The following PIWIL1 variants were observed in gnomAD, a reference collection of about 807,000 sequenced individuals.
The protein encoded by PIWIL1 is piwi-like protein 1.
Under a neutral mutation model 114.4 loss-of-function variants are expected in PIWIL1, and 73 were observed. That is an observed-to-expected ratio of 0.64 (90% CI 0.53 to 0.78). The LOEUF is 0.78. Ranked by LOEUF, PIWIL1 falls within the 30% of genes least tolerant of loss-of-function variation. The pLI, the probability that PIWIL1 is intolerant of heterozygous loss-of-function variation, is 0.00. For missense variants in PIWIL1, 723 were observed against 1,063.1 expected (o/e 0.68, Z 4.45); for synonymous variants, 375 against 369.0 (o/e 1.02, Z -0.19).
At chr12:130,407,826 C>G in the PIWIL1 span, 1 of 1,613,616 alleles carries the variant, frequency 6.2e-7, no homozygotes, top group Non-Finnish European at 8.5e-7. Flanking sequence ...TCTCCTGCTT[C>G]TCTCTGTTCA....
At chr12:130,390,829 T>C in the PIWIL1 span, among the ~76,000 whole-genome samples, 1 of 152,212 alleles carries the variant, frequency 6.6e-6, no homozygotes, top group Non-Finnish European at 1.5e-5. Context: ...GGCCCACCCA[T>C]CACTGGGCTA....
At chr12:130,420,636 C>G in the PIWIL1 span, among the ~76,000 whole-genome samples, 1 of 152,222 alleles carries the variant, frequency 6.6e-6, no homozygotes, top group East Asian at 1.9e-4. This position sits in a 1 kb window ranked among gnomAD's most constrained non-coding sequence, Gnocchi z 4.3. Flanking sequence ...ATTTGAAAAG[C>G]AATACTGATC....
chr12:130,393,289 G>T, the PIWIL1 span, among the ~76,000 whole-genome samples: 3 of 146,430 alleles, frequency 2.0e-5, no homozygotes, highest in Non-Finnish European at 4.5e-5. Context: ...ACATGTGTGC[G>T]TCAGTTACCT....
Position 130,338,101 on chromosome 12 carries a change from G to A in PIWIL1, c.-58G>A, listed in dbSNP as rs768403184. The A allele has an allele frequency of 3.3e-3, 742 of 226,154 alleles. 3 individuals are homozygous for A. Among genetic ancestry groups the A allele is most frequent in the Non-Finnish European group, 3.0e-3 (338 of 114,082 alleles). 14.0% of individuals were successfully genotyped at this position (226,154 alleles called of 1,614,324 possible). ...GGAGCCGTTGGGGCTGTTGGCCTCG[G>A]GCTGAGGTGCAAGGACCAGGACTAG... On this transcript the variant is annotated 5_prime_UTR_variant, in exon 1 of 21. Coordinates refer to ENST00000245255, the MANE Select transcript of PIWIL1 (RefSeq NM_004764.5).
the PIWIL1 span, chr12:130,399,577 C>G: frequency 6.5e-6 from 9 of 1,378,396 alleles, no homozygotes; most frequent in Non-Finnish European, 8.9e-6. Context: ...GGTGTATTTA[C>G]GCTTTTCGGC....
intron 9 of PIWIL1, among the ~76,000 whole-genome samples, chr12:130,351,890 C>A (rs56044098): frequency 0.064 from 9,699 of 152,192 alleles, 960 homozygotes; most frequent in African/African-American, 0.22. Context: ...CTTCCCCTTC[C>A]CCCCAGAAGT....
At chr12:130,365,485 A>G (rs931781437) in intron 18 of PIWIL1, among the ~76,000 whole-genome samples, 1 of 152,254 alleles carries the variant, frequency 6.6e-6, no homozygotes, top group African/African-American at 2.4e-5. Flanking sequence ...CTTCACTTTT[A>G]GAAAATGCAA....
At chr12:130,371,089 A>G (rs1593127777) in intron 19 of PIWIL1, 87 bp from the exon 20 acceptor site, 2 of 1,080,414 alleles carry the variant, frequency 1.9e-6, no homozygotes. Flanking sequence ...CTTACAGTGA[A>G]GAGTGGTACA....
At chr12:130,347,320 G>A (rs930847446) in intron 6 of PIWIL1, among the ~76,000 whole-genome samples, 3 of 152,092 alleles carry the variant, frequency 2.0e-5, no homozygotes, top group Admixed American at 6.5e-5. Flanking sequence ...TCATATCCTC[G>A]AGAGCTATTG....
the PIWIL1 span, among the ~76,000 whole-genome samples, chr12:130,386,454 C>T: frequency 8.2e-6 from 1 of 122,452 alleles, no homozygotes; most frequent in Non-Finnish European, 1.7e-5. Context: ...CTTCCTGTCT[C>T]CATTCACCCA....
At chr12:130,342,751 G>A (rs2072959253) in intron 2 of PIWIL1, 82 bp downstream of exon 2, 2 of 1,081,502 alleles carry the variant, frequency 1.8e-6, no homozygotes, top group African/African-American at 3.1e-5. Flanking sequence ...ACTAAAAACT[G>A]TGCTGGGAAG....
chr12:130,340,446 A>G lies in PIWIL1; in HGVS notation c.-12-2134A>G, dbSNP rs528119564. ...CAGGCATTAGATTCTCATAAGGAGCAGGCAGCCCAGACCCTTGGCACGCCG... is the reference window on the plus strand; with the variant it reads ...CAGGCATTAGATTCTCATAAGGAGCGGGCAGCCCAGACCCTTGGCACGCCG... On this transcript the variant is annotated intron_variant, in intron 1 of 20. Transcript: ENST00000245255. Among the ~76,000 whole-genome samples the G allele has an allele frequency of 1.6e-4, 24 of 152,058 alleles. No homozygotes were observed. The East Asian group carries it at 4.6e-3, about 29-fold the overall frequency.
At chr12:130,418,253 G>A in the PIWIL1 span, among the ~76,000 whole-genome samples, 1 of 152,292 alleles carries the variant, frequency 6.6e-6, no homozygotes, top group African/African-American at 2.4e-5. Flanking sequence ...TTTCTGCCAG[G>A]GAACAAACCT....
chr12:130,395,597 G>A, the PIWIL1 span, among the ~76,000 whole-genome samples: 1 of 152,134 alleles, frequency 6.6e-6, no homozygotes, highest in African/African-American at 2.4e-5. Flanking sequence ...AACTTTTCCT[G>A]TAAATACTGT....
At chr12:130,417,677 G>C in the PIWIL1 span, among the ~76,000 whole-genome samples, 2 of 152,192 alleles carry the variant, frequency 1.3e-5, no homozygotes, top group South Asian at 4.1e-4. Context: ...TCAGCATTCT[G>C]CACTATACCC....
chr12:130,406,098 T>A, the PIWIL1 span: 1 of 972,872 alleles, frequency 1.0e-6, no homozygotes, highest in South Asian at 1.4e-5. Context: ...AGGAACGGAC[T>A]AGCAAAACAA....
chr12:130,348,133 T>A lies in PIWIL1; in HGVS notation c.684T>A (p.Ile228=). ...RLLKIMNLQQ[I]GRNYYNPNDP... is the part of the protein sequence containing the mutation. ...TGAAAATCATGAATTTGCAACAAAT[T>A]GGACGAAATTATTATAACCCAAATG... Residue 228 remains isoleucine (I), a synonymous_variant, in exon 7 of 21, where the codon ATT becomes ATA. Coordinates refer to ENST00000245255, the MANE Select transcript of PIWIL1 (RefSeq NM_004764.5). 1 of 1,609,640 alleles carries A rather than the reference T, an allele frequency of 6.2e-7. No individual in the cohort carries two copies.
chr12:130,397,213 T>A, the PIWIL1 span: 14 of 385,940 alleles, frequency 3.6e-5, no homozygotes, highest in Non-Finnish European at 5.5e-5. Flanking sequence ...GTGGTTGGTT[T>A]AAAGTGGTTG....
intron 14 of PIWIL1, among the ~76,000 whole-genome samples, chr12:130,359,716 A>C (rs1342996553): frequency 6.6e-6 from 1 of 152,252 alleles, no homozygotes; most frequent in Non-Finnish European, 1.5e-5. Flanking sequence ...ATAGAAGTTC[A>C]GTCAATTCCT....
Sources: gnomAD v4.1 joint callset for allele counts (sites outside exome capture counted in the v4.1 genomes callset) on GRCh38, gnomAD v4.1.1 for gene constraint, Gnocchi (gnomAD v3.1) non-coding constraint, MANE v1.5 for transcripts, NCBI Gene and HGNC (gene_info 2026-07-23, HGNC 2026-07-21) for gene names.